ARHGEF26: variants seen among roughly 807,000 people sequenced by gnomAD.
ARHGEF26 encodes Rho guanine nucleotide exchange factor (GEF) 26.
ARHGEF26 carries 59 observed loss-of-function variants against 89.4 expected under a neutral mutation model. The observed-to-expected ratio is 0.66, with a 90% CI of 0.54 to 0.82. The LOEUF is 0.82. Among genes scored for constraint, ARHGEF26 ranks in the 40% least tolerant of loss-of-function variants. The pLI, the probability that ARHGEF26 is intolerant of heterozygous loss-of-function variation, is 0.00. For synonymous variants in ARHGEF26, 500 were observed against 428.4 expected, an observed-to-expected ratio of 1.17 and a Z score of -2.06; for missense variants, 1,234 against 1,085.6, an observed-to-expected ratio of 1.14 and a Z score of -1.92.
intron 5 of ARHGEF26, among the ~76,000 whole-genome samples, chr3:154,150,406 C>A (rs1242193003): frequency 6.6e-6 from 1 of 152,040 alleles, no homozygotes; most frequent in African/African-American, 2.4e-5. Flanking sequence ...ACATATACTT[C>A]CAGCCTGTGT....
chr3:154,217,305 A>G (rs1169482647), intron 9 of ARHGEF26, among the ~76,000 whole-genome samples: 2 of 151,238 alleles, frequency 1.3e-5, no homozygotes, highest in East Asian at 3.9e-4. Flanking sequence ...GCATTTTTTC[A>G]TGTGTTTTTT....
At chr3:154,157,186 G>A (rs1720387526) in intron 6 of ARHGEF26, among the ~76,000 whole-genome samples, 1 of 152,080 alleles carries the variant, frequency 6.6e-6, no homozygotes, top group Admixed American at 6.6e-5. Flanking sequence ...TCTCATTTCA[G>A]TTAACACTTA....
Position 154,122,549 on chromosome 3 carries a change from G to C in ARHGEF26, c.557G>C (p.Gly186Ala). ...CTTGCCGCTAATAACGACTCTCCTG[G>C]GTCAGGTTCGCAGTCCGGCCGGAAG... Reference protein sequence around the residue: ...NGLAANNDSPGSGSQSGRKAK... With the variant: ...NGLAANNDSPASGSQSGRKAK... Residue 186 changes from glycine to alanine, a missense_variant, in exon 2 of 15, where the codon GGG (glycine) becomes GCG (alanine). Physicochemically the swap from Gly to Ala is moderately conservative, Grantham distance 60. Coordinates refer to ENST00000465093, the MANE Select transcript of ARHGEF26 (RefSeq NM_015595.4). 1 of 1,613,564 alleles carries C rather than the reference G, an allele frequency of 6.2e-7. No homozygotes were observed. Among genetic ancestry groups the C allele is most frequent in the South Asian group, 1.1e-5 (1 of 91,088 alleles).
At chr3:154,224,698 G>C (rs559133309) in intron 10 of ARHGEF26, among the ~76,000 whole-genome samples, 13 of 152,226 alleles carry the variant, frequency 8.5e-5, no homozygotes, top group African/African-American at 3.1e-4. Flanking sequence ...TCGAGATTTT[G>C]GGGGTTGGGA....
chr3:154,178,836 G>A (rs1367316056), intron 6 of ARHGEF26, among the ~76,000 whole-genome samples: 4 of 152,018 alleles, frequency 2.6e-5, no homozygotes, highest in African/African-American at 4.8e-5. Flanking sequence ...CTTGCAGCTG[G>A]CCTCTTTACC....
At chr3:154,154,562 T>G (rs1468749757) in intron 6 of ARHGEF26, among the ~76,000 whole-genome samples, 3 of 86,584 alleles carry the variant, frequency 3.5e-5, no homozygotes, top group African/African-American at 9.1e-5. Context: ...CTCTATCCTA[T>G]TCTCTTCCCA....
At chr3:154,253,640 T>C (rs1195412544) in intron 13 of ARHGEF26, among the ~76,000 whole-genome samples, 4 of 152,172 alleles carry the variant, frequency 2.6e-5, no homozygotes, top group Non-Finnish European at 4.4e-5. Flanking sequence ...AAAAGAAAAT[T>C]ACCTAAGAAT....
rs1309346446 is a variant in ARHGEF26 at position 154,122,813 on chromosome 3, G to A, written c.821G>A (p.Arg274Lys). 1 of 1,612,362 alleles carries A rather than the reference G, an allele frequency of 6.2e-7. No homozygotes were observed. The highest frequency in any genetic ancestry group is 1.7e-5 in the Admixed American group (1 of 59,716). ...SNNQNVEPHK[R>K]LLKVRSMVEG... The stretch of plus-strand genomic sequence containing the variant: ...AATCAAAATGTGGAGCCCCACAAGA[G>A]ACTCCTCAAGGTGCGCAGCATGGTG... The change falls in exon 2 of 15, where the codon AGA (arginine) becomes AAA (lysine). Residue 274 changes from arginine (R) to lysine (K), a missense_variant. Transcript: ENST00000465093.
At chr3:154,203,293 A>T (rs1259419928) in intron 9 of ARHGEF26, among the ~76,000 whole-genome samples, 2 of 152,058 alleles carry the variant, frequency 1.3e-5, no homozygotes, top group Non-Finnish European at 2.9e-5. Context: ...TATATGCTGG[A>T]TTACATTTAT....
At chr3:154,138,149 A>C (rs1719132853) in intron 4 of ARHGEF26, among the ~76,000 whole-genome samples, 1 of 152,222 alleles carries the variant, frequency 6.6e-6, no homozygotes, top group African/African-American at 2.4e-5. Flanking sequence ...AGCCATCTTT[A>C]CTGGGGGAGT....
At chr3:154,219,518 C>A (rs1479983491) in intron 10 of ARHGEF26, among the ~76,000 whole-genome samples, 1 of 151,392 alleles carries the variant, frequency 6.6e-6, no homozygotes, top group Non-Finnish European at 1.5e-5. Context: ...TTGCTTGAAC[C>A]CAAGAGGCAG....
At position 154,240,367 on chromosome 3, in the gene ARHGEF26, C is replaced by T. The variant is rs1284726260; in HGVS notation, c.2091-3C>T. The T allele has an allele frequency of 1.3e-6, 2 of 1,594,752 alleles. No homozygotes were observed. Among genetic ancestry groups the T allele is most frequent in the Non-Finnish European group, 8.6e-7 (1 of 1,167,182 alleles). ...GACGTGTTCTTTTCCCTTTCCTTTA[C>T]AGTGAAGAAAGTTACAACGTCAATG... is the stretch of plus-strand genomic sequence containing the variant. On this transcript the variant is annotated splice_region_variant and splice_polypyrimidine_tract_variant and intron_variant, in intron 11 of 14. Transcript: ENST00000465093.
At chr3:154,253,280 T>TAG (rs980691808) in intron 13 of ARHGEF26, 97 bp downstream of exon 13, 35 of 1,389,152 alleles carry the variant, frequency 2.5e-5, no homozygotes, top group Non-Finnish European at 3.4e-5. Flanking sequence ...CCACAATACT[T>TAG]GCCTAAGTTT....
intron 12 of ARHGEF26, among the ~76,000 whole-genome samples, chr3:154,244,798 T>TG (rs1717697824): frequency 6.6e-6 from 1 of 152,106 alleles, no homozygotes; most frequent in Non-Finnish European, 1.5e-5. Flanking sequence ...AGTGAGTTAT[T>TG]GCCAAAGCTG....
chr3:154,212,137 G>A (rs540034625), intron 9 of ARHGEF26, among the ~76,000 whole-genome samples: 13 of 152,140 alleles, frequency 8.5e-5, no homozygotes, highest in East Asian at 1.9e-4. Flanking sequence ...CCAGGAGTTC[G>A]AGACCAGCCT....
chr3:154,174,903 A>C (rs1712703030), intron 6 of ARHGEF26, among the ~76,000 whole-genome samples: 1 of 152,196 alleles, frequency 6.6e-6, no homozygotes, highest in Non-Finnish European at 1.5e-5. Context: ...AAATTAGAAA[A>C]TATATAGACA....
rs1170877109 is a variant in ARHGEF26, at chr3:154,149,377, T to G, written c.1270-12T>G. Reference sequence around the variant, plus strand: ...AATAAATGAGTCAACTCTACTTTGCTTTTTCTCCTAGGTGAAAAGAAAGGG... The same window carrying G: ...AATAAATGAGTCAACTCTACTTTGCGTTTTCTCCTAGGTGAAAAGAAAGGG... On this transcript the variant is annotated splice_polypyrimidine_tract_variant and intron_variant, in intron 4 of 14. Coordinates refer to ENST00000465093, the MANE Select transcript of ARHGEF26 (RefSeq NM_015595.4). The G allele has an allele frequency of 1.9e-6, 3 of 1,596,960 alleles. No homozygotes were observed. The African/African-American group carries it at 4.0e-5, about 21-fold the overall frequency.
intron 9 of ARHGEF26, among the ~76,000 whole-genome samples, chr3:154,203,905 T>A (rs1489720146): frequency 6.6e-6 from 1 of 152,016 alleles, no homozygotes; most frequent in East Asian, 1.9e-4. Context: ...TTTGCTAGTA[T>A]TTTTTTGAGG....
intron 9 of ARHGEF26, among the ~76,000 whole-genome samples, chr3:154,201,832 C>T (rs1714661655): frequency 1.3e-5 from 2 of 152,176 alleles, no homozygotes; most frequent in Non-Finnish European, 2.9e-5. Flanking sequence ...ATATCCTTCA[C>T]CCACTTGTTG....
Sources: allele counts gnomAD v4.1 joint callset (sites outside exome capture counted in the v4.1 genomes callset), GRCh38; gene constraint gnomAD v4.1.1; transcripts MANE v1.5; gene names NCBI Gene and HGNC (gene_info 2026-07-23, HGNC 2026-07-21).